Variants in ADGRB3 observed in about 807,000 individuals in gnomAD.
The protein encoded by ADGRB3 is adhesion G protein-coupled receptor B3.
Under a neutral mutation model 193.4 loss-of-function variants are expected in ADGRB3, and 37 were observed. The ratio of observed to expected loss-of-function variants is 0.19; its 90% confidence interval spans 0.15 to 0.25. ADGRB3 has a LOEUF of 0.25. ADGRB3 is among the 10% of genes least tolerant of loss of function. The pLI, the probability that ADGRB3 is intolerant of heterozygous loss-of-function variation, is 1.00. For missense variants in ADGRB3, 1,637 were observed against 1,852.9 expected, an observed-to-expected ratio of 0.88 and a Z score of 2.14; for synonymous variants, 690 against 644.2, an observed-to-expected ratio of 1.07 and a Z score of -1.08.
chr6:69,259,900 A>G (rs1440084843), intron 20 of ADGRB3, among the ~76,000 whole-genome samples: 1 of 152,162 alleles, frequency 6.6e-6, no homozygotes, highest in African/African-American at 2.4e-5. Context: ...CTTGTAGGTT[A>G]TAATAAGCCT....
chr6:69,294,327 C>T (rs1767761962), intron 20 of ADGRB3, among the ~76,000 whole-genome samples: 1 of 152,004 alleles, frequency 6.6e-6, no homozygotes, highest in African/African-American at 2.4e-5. Context: ...CTAACACATG[C>T]ACATTTCATA....
chr6:69,082,005 T>C (rs1408628407), intron 17 of ADGRB3, among the ~76,000 whole-genome samples: 1 of 152,106 alleles, frequency 6.6e-6, no homozygotes, highest in Non-Finnish European at 1.5e-5. Flanking sequence ...CACTACAACC[T>C]GTGTCACAAA....
chr6:69,041,299 C>T (rs1203779851), intron 13 of ADGRB3, among the ~76,000 whole-genome samples: 4 of 152,034 alleles, frequency 2.6e-5, no homozygotes, highest in Admixed American at 6.5e-5. Flanking sequence ...TCCTAAAATA[C>T]GATTTTTCAT....
chr6:69,259,854 A>G (rs977643878), intron 20 of ADGRB3, among the ~76,000 whole-genome samples: 8 of 152,180 alleles, frequency 5.3e-5, no homozygotes, highest in African/African-American at 1.9e-4. Context: ...GAATAATAAA[A>G]TAATAATAAT....
intron 17 of ADGRB3, among the ~76,000 whole-genome samples, chr6:69,228,187 G>A (rs1197391596): frequency 1.3e-5 from 2 of 152,224 alleles, no homozygotes; most frequent in Non-Finnish European, 2.9e-5. Context: ...AACCCAGGAG[G>A]CGGAGGTTGC....
intron 3 of ADGRB3, among the ~76,000 whole-genome samples, chr6:68,857,397 GC>G: frequency 6.6e-6 from 1 of 152,334 alleles, no homozygotes; most frequent in African/African-American, 2.4e-5. Flanking sequence ...GGAGCAGACT[GC>G]CCAAGACTAT....
intron 12 of ADGRB3, 119 bp from the exon 13 acceptor site, chr6:69,018,272 A>AT (rs1770156091): frequency 7.0e-6 from 4 of 573,548 alleles, no homozygotes; most frequent in Middle Eastern, 4.7e-4. Context: ...GCAGCTGTAG[A>AT]TTTTTTTGAA....
intron 17 of ADGRB3, among the ~76,000 whole-genome samples, chr6:69,108,211 C>A (rs957690573): frequency 3.3e-5 from 5 of 151,994 alleles, no homozygotes; most frequent in Non-Finnish European, 7.4e-5. Context: ...TCTTCAGTTT[C>A]ATTGCAAATT....
chr6:68,902,564 A>G (rs1383930309), intron 3 of ADGRB3, among the ~76,000 whole-genome samples: 1 of 152,072 alleles, frequency 6.6e-6, no homozygotes, highest in Non-Finnish European at 1.5e-5. Context: ...GTAAGATACT[A>G]TTAGTTCAGA....
chr6:68,783,418 C>T (rs1281318241), intron 3 of ADGRB3, among the ~76,000 whole-genome samples: 1 of 150,648 alleles, frequency 6.6e-6, no homozygotes, highest in African/African-American at 2.4e-5. Context: ...ACTGCAGTAG[C>T]CAATTCCTTC....
intron 20 of ADGRB3, among the ~76,000 whole-genome samples, chr6:69,245,971 G>T (rs1219820491): frequency 6.6e-6 from 1 of 152,050 alleles, no homozygotes; most frequent in African/African-American, 2.4e-5. Context: ...AATAGCTGTT[G>T]TTAGTCTTAC....
At chr6:69,378,489 G>C (rs926605522) in intron 30 of ADGRB3, among the ~76,000 whole-genome samples, 2 of 152,004 alleles carry the variant, frequency 1.3e-5, no homozygotes, top group Admixed American at 1.3e-4. Context: ...TCAGTAAAGT[G>C]GAGATAATGG....
intron 17 of ADGRB3, among the ~76,000 whole-genome samples, chr6:69,151,535 G>T (rs1211543408): frequency 6.6e-6 from 1 of 152,118 alleles, no homozygotes; most frequent in African/African-American, 2.4e-5. Flanking sequence ...CTTTTTCAGT[G>T]ATTTGAAGTT....
chr6:68,920,053 C>T lies in ADGRB3; in HGVS notation c.758-10506C>T, dbSNP rs566496299. On this transcript the variant is annotated intron_variant, in intron 3 of 31. Transcript: ENST00000370598. ...GGTAACTCAGAGCATCCAAAACAAA[C>T]GTGGAAGAAAATAAATTAGAAAGTT... Among the ~76,000 whole-genome samples the T allele has an allele frequency of 2.0e-5, 3 of 152,090 alleles. No individual in the cohort carries two copies. The East Asian group carries it at 5.8e-4, about 29-fold the overall frequency.
chr6:68,742,464 G>A (rs1382495854), intron 3 of ADGRB3, among the ~76,000 whole-genome samples: 1 of 151,922 alleles, frequency 6.6e-6, no homozygotes, highest in African/African-American at 2.4e-5. Flanking sequence ...CAGGAATAAG[G>A]CTGATTCTTT....
chr6:68,879,033 A>C (rs1765665308), intron 3 of ADGRB3, among the ~76,000 whole-genome samples: 1 of 152,104 alleles, frequency 6.6e-6, no homozygotes, highest in Non-Finnish European at 1.5e-5. Context: ...GAATTATGGA[A>C]GCTACAAGAT....
chr6:68,905,725 C>T (rs1249468046), intron 3 of ADGRB3, among the ~76,000 whole-genome samples: 1 of 152,130 alleles, frequency 6.6e-6, no homozygotes, highest in Non-Finnish European at 1.5e-5. Context: ...CGTTGATTGT[C>T]TTCAAACTGT....
intron 11 of ADGRB3, among the ~76,000 whole-genome samples, chr6:69,001,742 C>T (rs1769584132): frequency 6.6e-6 from 1 of 152,186 alleles, no homozygotes; most frequent in South Asian, 2.1e-4. Context: ...TCCTGAAACT[C>T]ATCTGAATGC....
At chr6:69,180,704 G>A (rs1164486406) in intron 17 of ADGRB3, among the ~76,000 whole-genome samples, 1 of 152,170 alleles carries the variant, frequency 6.6e-6, no homozygotes, top group Non-Finnish European at 1.5e-5. Flanking sequence ...TTCTGCCTCA[G>A]GCCTGCAATG....
Sources: allele counts gnomAD v4.1 joint callset (sites outside exome capture counted in the v4.1 genomes callset), GRCh38; gene constraint gnomAD v4.1.1; transcripts MANE v1.5; gene names NCBI Gene and HGNC (gene_info 2026-07-23, HGNC 2026-07-21).